The following KLF5 variants were observed in gnomAD, a reference collection of about 807,000 sequenced individuals.
KLF5 encodes the protein Krueppel-like factor 5.
Under a neutral mutation model 36.9 loss-of-function variants are expected in KLF5, and 9 were observed. The ratio of observed to expected loss-of-function variants is 0.24; its 90% CI spans 0.15 to 0.43. KLF5 has a LOEUF of 0.43. KLF5 is among the 20% of genes least tolerant of loss of function. The pLI is 1.00. For missense variants in KLF5, 524 were observed against 599.5 expected, an observed-to-expected ratio of 0.87 and a Z score of 1.31; for synonymous variants, 246 against 241.7, an observed-to-expected ratio of 1.02 and a Z score of -0.17.
At position 73,062,114 on chromosome 13, in the gene KLF5, A is replaced by G. The variant is rs1236274811; in HGVS notation, c.515A>G (p.Gln172Arg). 2.5e-6 allele frequency: 4 copies of G among 1,614,038 alleles called. No homozygotes were observed. The highest frequency in any genetic ancestry group is 1.3e-5 in the African/African-American group (1 of 74,912). ...GAACCTGTTGCCATTTTCAGCCACC[A>G]GAGTGAAACGACTGCCCCTCCTCCG... ...KTEPVAIFSH[Q>R]SETTAPPPAP... Residue 172 changes from glutamine to arginine, a missense_variant, in exon 2 of 4, where the codon CAG becomes CGG. This residue lies in a region of KLF5 where 454 missense variants were observed against 458.1 expected (regional missense o/e 0.99). Transcript: ENST00000377687.
Position 73,062,429 on chromosome 13 carries a change from A to G in KLF5, c.830A>G (p.Gln277Arg). The G allele has an allele frequency of 6.2e-7, 1 of 1,614,168 alleles. No individual in the cohort carries two copies. Among genetic ancestry groups the G allele is most frequent in the Non-Finnish European group, 8.5e-7 (1 of 1,180,042 alleles). Residue 277 changes from glutamine to arginine, a missense_variant, in exon 2 of 4, where the codon CAA becomes CGA. Coordinates refer to ENST00000377687, the MANE Select transcript of KLF5 (RefSeq NM_001730.5). ...GCTGTTCCGCAGACTGCAGTGAAACAATTCCAGGGCATGCCCCCTTGCACA... is the reference window on the plus strand; with the variant it reads ...GCTGTTCCGCAGACTGCAGTGAAACGATTCCAGGGCATGCCCCCTTGCACA... The part of the protein sequence containing the change: ...TSAVPQTAVK[Q>R]FQGMPPCTYT...
At position 73,059,314 on chromosome 13, in the gene KLF5, G is replaced by T; in HGVS notation, c.-14G>T. The T allele has an allele frequency of 7.3e-7, 1 of 1,361,702 alleles. No individual in the cohort carries two copies. Among genetic ancestry groups the T allele is most frequent in the South Asian group, 1.7e-5 (1 of 60,570 alleles). The allele number at this position is 1,361,702 out of a possible 1,614,324, so 84.4% of individuals were successfully genotyped here. A position where few individuals can be genotyped will look rare whatever the true frequency, so the allele number is the denominator to read the frequency against. On this transcript the variant is annotated 5_prime_UTR_variant, in exon 1 of 4. Coordinates refer to ENST00000377687, the MANE Select transcript of KLF5 (RefSeq NM_001730.5). ...GCGCCCGACCCGCGCCTGGAGCTGCGCCCCCGAGTGCCCATGGCTACAAGG... is the reference window on the plus strand; with the variant it reads ...GCGCCCGACCCGCGCCTGGAGCTGCTCCCCCGAGTGCCCATGGCTACAAGG...
chr13:73,055,007 CTATCATGTTTCG>C (rs1207449139), upstream of KLF5: 1 of 152,148 alleles, frequency 6.6e-6, no homozygotes, highest in African/African-American at 2.4e-5. Context: ...TTAACCTTGC[CTATCATGTTTCG>C]AGTCAGAATT....
chr13:73,062,517 C>T lies in KLF5; in HGVS notation c.918C>T (p.Ser306=). The part of the protein sequence containing the change: ...QATYFPPSPP[S]SEPGSPDRQA... Reference sequence around the variant, plus strand: ...CTTACTTTCCCCCGTCACCACCAAGCTCAGAGCCTGGAAGTCCAGATAGAC... The same window carrying T: ...CTTACTTTCCCCCGTCACCACCAAGTTCAGAGCCTGGAAGTCCAGATAGAC... The change falls in exon 2 of 4, where the codon AGC becomes AGT. Residue 306 remains serine (S), a synonymous_variant. Coordinates refer to ENST00000377687, the MANE Select transcript of KLF5 (RefSeq NM_001730.5). 2 of 1,614,206 alleles carry T rather than the reference C, an allele frequency of 1.2e-6. No individual in the cohort carries two copies.
rs746020731 is a variant in KLF5, at chr13:73,062,724, C to T, written c.1125C>T (p.Cys375=). Residue 375 remains cysteine, a synonymous_variant, in exon 2 of 4, where the codon TGC becomes TGT. Coordinates refer to ENST00000377687, the MANE Select transcript of KLF5 (RefSeq NM_001730.5). ...TGGAGAAACGACGCATCCACTACTGCGATTACCCTGGTATGTGCTCTTACC... is the reference window on the plus strand; with the variant it reads ...TGGAGAAACGACGCATCCACTACTGTGATTACCCTGGTATGTGCTCTTACC... ...PDLEKRRIHY[C]DYPGCTKVYT... 10 of 1,613,284 alleles carry T rather than the reference C, an allele frequency of 6.2e-6. No homozygotes were observed. Among genetic ancestry groups the T allele is most frequent in the Middle Eastern group, 1.6e-4 (1 of 6,062 alleles).
At chr13:73,075,234 T>C (rs1448825037) in intron 3 of KLF5, among the ~76,000 whole-genome samples, 1 of 152,152 alleles carries the variant, frequency 6.6e-6, no homozygotes, top group Non-Finnish European at 1.5e-5. Flanking sequence ...ATTCAATGTA[T>C]AGGTGATTCG....
At chr13:73,064,349 G>C (rs1437399512) in intron 3 of KLF5, among the ~76,000 whole-genome samples, 1 of 152,110 alleles carries the variant, frequency 6.6e-6, no homozygotes, top group Non-Finnish European at 1.5e-5. Flanking sequence ...TCTGTGTTTA[G>C]TATGTTTTCT....
At chr13:73,064,499 C>CT (rs2139107778) in intron 3 of KLF5, among the ~76,000 whole-genome samples, 1 of 152,310 alleles carries the variant, frequency 6.6e-6, no homozygotes, top group East Asian at 1.9e-4. Flanking sequence ...TTTACATATG[C>CT]TTTTAAGTTT....
upstream of KLF5, among the ~76,000 whole-genome samples, chr13:73,056,301 G>C (rs1432894983): frequency 6.6e-6 from 1 of 152,008 alleles, no homozygotes; most frequent in East Asian, 1.9e-4. Context: ...CCCTGTTTTG[G>C]CACAGTTCAG....
Position 73,059,598 on chromosome 13 carries a change from G to A in KLF5, c.261+10G>A, listed in dbSNP as rs748325729. The A allele has an allele frequency of 5.2e-5, 60 of 1,152,712 alleles. No individual in the cohort carries two copies. In the East Asian group the frequency reaches 2.3e-3, roughly 44 times the overall value. The allele number at this position is 1,152,712 out of a possible 1,614,324, so 71.4% of individuals were successfully genotyped here. A position where few individuals can be genotyped will look rare whatever the true frequency, so the allele number is the denominator to read the frequency against. ...AGAGGACCTGGTCCAGGTAGGAAGAGCCGCTCCCCTCCCACCGCAGCACTC... is the reference window on the plus strand; with the variant it reads ...AGAGGACCTGGTCCAGGTAGGAAGAACCGCTCCCCTCCCACCGCAGCACTC... On this transcript the variant is annotated intron_variant, in intron 1 of 3. Transcript: ENST00000377687.
chr13:73,063,978 G>A (rs893613378), intron 3 of KLF5, 95 bp downstream of exon 3: 7 of 469,800 alleles, frequency 1.5e-5, no homozygotes, highest in Non-Finnish European at 2.5e-5. Context: ...CTCTTCTCCT[G>A]TCAACTTTGT....
At chr13:73,068,064 C>T (rs2044693870) in intron 3 of KLF5, among the ~76,000 whole-genome samples, 1 of 151,638 alleles carries the variant, frequency 6.6e-6, no homozygotes, top group South Asian at 2.1e-4. Context: ...TGGTCTCGAA[C>T]TCCTGACCTC....
rs769383207 is a variant in KLF5, at chr13:73,075,850, C to T, written c.1338C>T (p.Asp446=). 2 of 1,607,886 alleles carry T rather than the reference C, an allele frequency of 1.2e-6. No homozygotes were observed. The highest frequency in any genetic ancestry group is 2.2e-5 in the East Asian group (1 of 44,704). Residue 446 remains aspartate (D), a synonymous_variant, in exon 4 of 4, where the codon GAC becomes GAT. Coordinates refer to ENST00000377687, the MANE Select transcript of KLF5 (RefSeq NM_001730.5). Reference sequence around the variant, plus strand: ...GCAACCGCAGCTTCTCGCGCTCTGACCACCTGGCCCTGCATATGAAGAGGC... The same window carrying T: ...GCAACCGCAGCTTCTCGCGCTCTGATCACCTGGCCCTGCATATGAAGAGGC... The part of the protein sequence containing the change: ...GVCNRSFSRS[D]HLALHMKRHQ...
At position 73,073,757 on chromosome 13, in the gene KLF5, C is replaced by T. The variant is rs143431785; in HGVS notation, c.1196-1951C>T. Among the ~76,000 whole-genome samples, 1,171 of 152,174 alleles carry T rather than the reference C, an allele frequency of 7.7e-3. 13 individuals are homozygous for T. Among genetic ancestry groups the T allele is most frequent in the African/African-American group, 0.025 (1,054 of 41,532 alleles). Reference sequence around the variant, plus strand: ...TCACAGGGAACAAAAACTAATAGTACTGTGCAAAAATTTTTTTTGTGATCA... The same window carrying T: ...TCACAGGGAACAAAAACTAATAGTATTGTGCAAAAATTTTTTTTGTGATCA... On this transcript the variant is annotated intron_variant, in intron 3 of 3. Transcript: ENST00000377687.
At chr13:73,071,670 T>G in intron 3 of KLF5, among the ~76,000 whole-genome samples, 1 of 152,194 alleles carries the variant, frequency 6.6e-6, no homozygotes, top group East Asian at 1.9e-4. Context: ...GAGACTAAAT[T>G]TCGTAAGTCT....
chr13:73,074,290 A>G (rs1431081758), intron 3 of KLF5, among the ~76,000 whole-genome samples: 2 of 152,174 alleles, frequency 1.3e-5, no homozygotes, highest in South Asian at 2.1e-4. Flanking sequence ...CTTCCTGAAC[A>G]TGATACTGCT....
intron 3 of KLF5, among the ~76,000 whole-genome samples, chr13:73,066,603 AT>A (rs2044681853): frequency 6.6e-6 from 1 of 152,200 alleles, no homozygotes; most frequent in Admixed American, 6.5e-5. Flanking sequence ...TTTAAAAATA[AT>A]TTAGGCAATG....
At chr13:73,066,569 T>G (rs1018560963) in intron 3 of KLF5, among the ~76,000 whole-genome samples, 4 of 152,192 alleles carry the variant, frequency 2.6e-5, no homozygotes, top group African/African-American at 9.7e-5. Context: ...TGTAATTGCT[T>G]TAAAATGTCA....
intron 3 of KLF5, among the ~76,000 whole-genome samples, chr13:73,074,107 A>AG (rs1360025755): frequency 6.6e-6 from 1 of 152,200 alleles, no homozygotes; most frequent in African/African-American, 2.4e-5. Context: ...TGAACTCTCA[A>AG]GGGAAAAAAA....
Sources: allele counts gnomAD v4.1 joint callset (sites outside exome capture counted in the v4.1 genomes callset), GRCh38; gene constraint gnomAD v4.1.1; regional missense constraint gnomAD v4.1.1; transcripts MANE v1.5; gene names NCBI Gene and HGNC (gene_info 2026-07-23, HGNC 2026-07-21).